The following ANKRD33B variants were observed in gnomAD, a reference collection of about 807,000 sequenced individuals.
ANKRD33B encodes ankyrin repeat domain-containing protein 33B.
Under a neutral mutation model 21.5 loss-of-function variants are expected in ANKRD33B, and 6 were observed. That is an observed-to-expected ratio of 0.28 (90% CI 0.15 to 0.55). ANKRD33B has a LOEUF of 0.55. Ranked by LOEUF, ANKRD33B falls within the 20% of genes least tolerant of loss-of-function variation. The pLI is 0.94. For missense variants in ANKRD33B, 698 were observed against 747.2 expected (o/e 0.93, Z 0.77); for synonymous variants, 347 against 342.4 (o/e 1.01, Z -0.15).
chr5:10,571,072 C>T (rs1735177256), intron 1 of ANKRD33B, among the ~76,000 whole-genome samples: 1 of 152,198 alleles, frequency 6.6e-6, no homozygotes, highest in African/African-American at 2.4e-5. Flanking sequence ...GAATAATCTA[C>T]TTCAAGCCTG....
At chr5:10,584,446 T>A (rs1475314700) in intron 1 of ANKRD33B, among the ~76,000 whole-genome samples, 2 of 151,188 alleles carry the variant, frequency 1.3e-5, no homozygotes, top group East Asian at 3.9e-4. Flanking sequence ...CTTTGGAGGC[T>A]GAGGCAGGAG....
At chr5:10,614,711 A>T (rs1736245372) in intron 1 of ANKRD33B, among the ~76,000 whole-genome samples, 1 of 152,204 alleles carries the variant, frequency 6.6e-6, no homozygotes, top group African/African-American at 2.4e-5. Context: ...ACATGGTAAA[A>T]CCCTGTCCCT....
chr5:10,576,132 G>C lies in ANKRD33B; in HGVS notation c.366+11299G>C, dbSNP rs1369892580. ...GGACAGGTGAAGGGTACAAGTTCTTGTGGGGCTGTAACTATTTCAAAATAA... is the reference window on the plus strand; with the variant it reads ...GGACAGGTGAAGGGTACAAGTTCTTCTGGGGCTGTAACTATTTCAAAATAA... On this transcript the variant is annotated intron_variant, in intron 1 of 3. Transcript: ENST00000296657. This position sits in a 1 kb window ranked among gnomAD's most constrained non-coding sequence, Gnocchi z 4.1. Among the ~76,000 whole-genome samples, 2 of 152,192 alleles carry C rather than the reference G, an allele frequency of 1.3e-5. No individual in the cohort carries two copies. The highest frequency in any genetic ancestry group is 4.8e-5 in the African/African-American group (2 of 41,436).
At chr5:10,625,495 A>G (rs1466228496) in intron 2 of ANKRD33B, among the ~76,000 whole-genome samples, 1 of 152,144 alleles carries the variant, frequency 6.6e-6, no homozygotes, top group East Asian at 1.9e-4. Flanking sequence ...TTATTAATCT[A>G]GAAGCTCCTG....
At chr5:10,640,603 G>A (rs1167120694) in intron 3 of ANKRD33B, among the ~76,000 whole-genome samples, 2 of 152,244 alleles carry the variant, frequency 1.3e-5, no homozygotes, top group Non-Finnish European at 2.9e-5. Context: ...ACATCTCAGT[G>A]AATGTGCGAT....
Position 10,564,497 on chromosome 5 carries a change from G to A in ANKRD33B, c.30G>A (p.Glu10=). ...TGCTGCTGGCCGGGACCGGGCCGGA[G>A]GGCGGCGGGGCGCGCTGCATGACCC... is the stretch of plus-strand genomic sequence containing the variant. The part of the protein sequence containing the change: MVLLAGTGP[E]GGGARCMTPP... The change falls in exon 1 of 4, where the codon GAG becomes GAA. Residue 10 remains glutamate (E), a synonymous_variant. Coordinates refer to ENST00000296657, the MANE Select transcript of ANKRD33B (RefSeq NM_001164440.2). The A allele has an allele frequency of 1.3e-6, 2 of 1,517,984 alleles. No homozygotes were observed. The highest frequency in any genetic ancestry group is 1.8e-6 in the Non-Finnish European group (2 of 1,136,678). 94.0% of individuals were successfully genotyped at this position (1,517,984 alleles called of 1,614,324 possible).
chr5:10,606,561 CT>C (rs1378059785), intron 1 of ANKRD33B, among the ~76,000 whole-genome samples: 1 of 152,062 alleles, frequency 6.6e-6, no homozygotes, highest in East Asian at 2.0e-4. Flanking sequence ...TGGTGAAGCC[CT>C]GTCTCTACTA....
In ANKRD33B at chr5:10,653,093, G is replaced by C. The variant is rs1737397281; in HGVS notation, c.*2980G>C. On this transcript the variant is annotated 3_prime_UTR_variant, in exon 4 of 4. Transcript: ENST00000296657. ...AACCTGCCAGACCCAACTGAAAGAA[G>C]GGTCATTCCTGATTGAGTTGGAGAC... The C allele has an allele frequency of 5.8e-6, 1 of 171,720 alleles. No homozygotes were observed. The highest frequency in any genetic ancestry group is 1.3e-5 in the Non-Finnish European group (1 of 78,990). 10.6% of individuals were successfully genotyped at this position (171,720 alleles called of 1,614,324 possible).
chr5:10,649,109 G>A (rs2126610466), intron 3 of ANKRD33B, among the ~76,000 whole-genome samples, 157 bp from the exon 4 acceptor site: 1 of 145,886 alleles, frequency 6.9e-6, no homozygotes, highest in East Asian at 2.3e-4. Flanking sequence ...GCTCAGATGA[G>A]CACAGGGTTC....
At chr5:10,634,724 G>T (rs1227347327) in intron 2 of ANKRD33B, among the ~76,000 whole-genome samples, 1 of 151,380 alleles carries the variant, frequency 6.6e-6, no homozygotes, top group Non-Finnish European at 1.5e-5. Flanking sequence ...CCAAAGTGCT[G>T]GGATTACAGG....
At chr5:10,627,688 G>A (rs968963241) in intron 2 of ANKRD33B, among the ~76,000 whole-genome samples, 4 of 152,234 alleles carry the variant, frequency 2.6e-5, no homozygotes, top group African/African-American at 9.6e-5. Flanking sequence ...CACGATCTTA[G>A]TGTGATCTCA....
chr5:10,615,422 A>G (rs1736263368), intron 1 of ANKRD33B, among the ~76,000 whole-genome samples: 1 of 152,262 alleles, frequency 6.6e-6, no homozygotes, highest in African/African-American at 2.4e-5. Context: ...AAAGAAAGTG[A>G]GAAACAGATC....
In ANKRD33B at chr5:10,657,546, T is replaced by G. The variant is rs923020021; in HGVS notation, c.*7433T>G. The G allele has an allele frequency of 1.3e-5, 2 of 152,348 alleles. No individual in the cohort carries two copies. Among genetic ancestry groups the G allele is most frequent in the Non-Finnish European group, 2.9e-5 (2 of 68,028 alleles). 9.4% of individuals were successfully genotyped at this position (152,348 alleles called of 1,614,324 possible). ...TTATTTTGAGGTGAGAGTTTTGTTATAGTTTATAAAAGATATTTTCCTATT... is the reference window on the plus strand; with the variant it reads ...TTATTTTGAGGTGAGAGTTTTGTTAGAGTTTATAAAAGATATTTTCCTATT... On this transcript the variant is annotated 3_prime_UTR_variant, in exon 4 of 4. Coordinates refer to ENST00000296657, the MANE Select transcript of ANKRD33B (RefSeq NM_001164440.2).
At chr5:10,621,945 G>A (rs538707770) in intron 2 of ANKRD33B, among the ~76,000 whole-genome samples, 2 of 152,312 alleles carry the variant, frequency 1.3e-5, no homozygotes, top group South Asian at 4.1e-4. Flanking sequence ...TATAAGAAGA[G>A]GAAGAGACCA....
In ANKRD33B at chr5:10,652,900, C is replaced by G. The variant is rs771359923; in HGVS notation, c.*2787C>G. 5.1e-5 allele frequency: 11 copies of G among 216,892 alleles called. No homozygotes were observed. Among genetic ancestry groups the G allele is most frequent in the Non-Finnish European group, 1.0e-4 (10 of 100,080 alleles). The allele number at this position is 216,892 out of a possible 1,614,324, so 13.4% of individuals were successfully genotyped here. Reference sequence around the variant, plus strand: ...GAGCCAACAAGCTTGGGGCAGGACACGGATTTCTTTGGCAAATCTGCAGGC... The same window carrying G: ...GAGCCAACAAGCTTGGGGCAGGACAGGGATTTCTTTGGCAAATCTGCAGGC... On this transcript the variant is annotated 3_prime_UTR_variant, in exon 4 of 4. Transcript: ENST00000296657. The surrounding 1 kb of genome is among the most constrained non-coding windows in gnomAD (Gnocchi z 4.1).
chr5:10,573,787 C>T (rs1735257085), intron 1 of ANKRD33B, among the ~76,000 whole-genome samples: 1 of 152,194 alleles, frequency 6.6e-6, no homozygotes, highest in African/African-American at 2.4e-5. Context: ...GGGGAATCTG[C>T]CCCCATGATC....
At chr5:10,603,384 T>C (rs933606770) in intron 1 of ANKRD33B, among the ~76,000 whole-genome samples, 17 of 152,014 alleles carry the variant, frequency 1.1e-4, no homozygotes, top group Non-Finnish European at 2.4e-4. Flanking sequence ...TGCCTCAGCC[T>C]CCTGAGTAGC....
At chr5:10,567,366 C>T (rs916160334) in intron 1 of ANKRD33B, among the ~76,000 whole-genome samples, 3 of 152,250 alleles carry the variant, frequency 2.0e-5, no homozygotes, top group South Asian at 2.1e-4. Context: ...ACTGTGCTCC[C>T]GCTAGGTACT....
intron 1 of ANKRD33B, among the ~76,000 whole-genome samples, chr5:10,568,431 A>G (rs927376592): frequency 6.6e-6 from 1 of 152,250 alleles, no homozygotes; most frequent in African/African-American, 2.4e-5. Context: ...TAATTGTTGC[A>G]GAAGGGCAGT....
Sources: allele counts gnomAD v4.1 joint callset (sites outside exome capture counted in the v4.1 genomes callset), GRCh38; gene constraint gnomAD v4.1.1; non-coding constraint Gnocchi (gnomAD v3.1); transcripts MANE v1.5; gene names NCBI Gene and HGNC (gene_info 2026-07-23, HGNC 2026-07-21).